Variants in VPS37A observed in about 807,000 individuals in gnomAD.
VPS37A encodes the protein vacuolar protein sorting-associated protein 37A.
In VPS37A, 30 loss-of-function variants were observed where a neutral mutation model predicts 49.8. The observed-to-expected ratio is 0.60, with a 90% confidence interval of 0.45 to 0.82. The LOEUF is 0.82. VPS37A is among the 40% of genes least tolerant of loss of function. VPS37A has a pLI of 0.00. For synonymous variants in VPS37A, 195 were observed against 160.6 expected (o/e 1.21, Z -1.62); for missense variants, 593 against 464.4 (o/e 1.28, Z -2.55).
At chr8:17,298,323 T>C (rs978940381), downstream of VPS37A, 4 of 152,104 alleles carry the variant, frequency 2.6e-5, no homozygotes, top group Non-Finnish European at 5.9e-5. Flanking sequence ...AAATTTTATA[T>C]TCTGAAAGAA....
At chr8:17,269,101 GTTTTACTC>G (rs1813741934) in intron 4 of VPS37A, 145 bp downstream of exon 4, 1 of 598,752 alleles carries the variant, frequency 1.7e-6, no homozygotes, top group East Asian at 3.0e-5. Context: ...AGAGGCAACT[GTTTTACTC>G]TTTTACCTGT....
At chr8:17,252,526 C>T (rs189214750) in intron 1 of VPS37A, among the ~76,000 whole-genome samples, 4 of 152,234 alleles carry the variant, frequency 2.6e-5, no homozygotes, top group East Asian at 1.9e-4. Context: ...GTTTTATGTT[C>T]ACAGCAAAAT....
the VPS37A span, among the ~76,000 whole-genome samples, chr8:17,308,192 C>A: frequency 6.6e-6 from 1 of 151,892 alleles, no homozygotes; most frequent in Non-Finnish European, 1.5e-5. Context: ...AAAAGGTTGC[C>A]TAATATTAAC....
chr8:17,331,575 C>G, the VPS37A span, among the ~76,000 whole-genome samples: 2 of 152,160 alleles, frequency 1.3e-5, no homozygotes, highest in Non-Finnish European at 2.9e-5. Context: ...TCAGAGATGC[C>G]AAACTGAATG....
At chr8:17,256,214 C>T (rs185263809) in intron 1 of VPS37A, among the ~76,000 whole-genome samples, 241 of 151,780 alleles carry the variant, frequency 1.6e-3, no homozygotes, top group Non-Finnish European at 1.8e-3. Flanking sequence ...ATCAGGGTTC[C>T]CCTGTCTCCA....
the VPS37A span, among the ~76,000 whole-genome samples, chr8:17,327,069 G>A: frequency 1.3e-5 from 2 of 152,016 alleles, no homozygotes; most frequent in Admixed American, 6.6e-5. Flanking sequence ...GCAATTTTAC[G>A]ACCTGAATTT....
chr8:17,279,694 G>C (rs1228148590), intron 6 of VPS37A: 1 of 419,630 alleles, frequency 2.4e-6, no homozygotes, highest in Admixed American at 2.8e-5. Flanking sequence ...CTTTACCTGA[G>C]TTAAGTTGAC....
downstream of VPS37A, chr8:17,300,111 A>G (rs539591837): frequency 7.6e-5 from 122 of 1,613,876 alleles, 1 homozygote; most frequent in South Asian, 1.3e-3. Context: ...AATCCTGGGG[A>G]GTGTTGGCTA....
rs1195994366 is a variant in VPS37A, at chr8:17,247,370, G to GTGAC, written c.125+4_125+7dup. The GTGAC allele has an allele frequency of 2.7e-6, 4 of 1,506,552 alleles. No homozygotes were observed. Among genetic ancestry groups the GTGAC allele is most frequent in the Admixed American group, 2.0e-5 (1 of 49,284 alleles). 93.3% of individuals were successfully genotyped at this position (1,506,552 alleles called of 1,614,324 possible). On this transcript the variant is annotated splice_donor_variant, in intron 1 of 11. Transcript: ENST00000324849. LOFTEE classifies it high-confidence loss of function. ...AGTCCCTCCGGAACTCACACTCCAGGTGACTGGTCGCTGCCTCTCCACCGG... is the reference window on the plus strand; with the variant it reads ...AGTCCCTCCGGAACTCACACTCCAGGTGACTGACTGGTCGCTGCCTCTCCACCGG...
At position 17,265,771 on chromosome 8, in the gene VPS37A, A is replaced by C. The variant is rs546488074; in HGVS notation, c.126-136A>C. ...TATGATCATTTTCCTTCCCCTCAAG[A>C]TACAAGTTATGCTGGCTATCCAGAT... On this transcript the variant is annotated intron_variant, in intron 1 of 11. Coordinates refer to ENST00000324849, the MANE Select transcript of VPS37A (RefSeq NM_152415.3). 21 of 1,542,382 alleles carry C rather than the reference A, an allele frequency of 1.4e-5. No individual in the cohort carries two copies. The East Asian group carries it at 3.2e-4, about 24-fold the overall frequency.
the VPS37A span, among the ~76,000 whole-genome samples, chr8:17,327,646 A>ATT: frequency 2.4e-3 from 370 of 152,178 alleles, 4 homozygotes; most frequent in African/African-American, 8.2e-3. Context: ...CCTGGTAAAA[A>ATT]AAAAAACTAT....
At chr8:17,302,707 C>CCT (rs1554504074), downstream of VPS37A, among the ~76,000 whole-genome samples, 1 of 54,640 alleles carries the variant, frequency 1.8e-5, no homozygotes, top group Non-Finnish European at 6.1e-5. Flanking sequence ...GCAATAACCC[C>CCT]CCCCCCCCCG....
At chr8:17,292,223 G>A (rs2150430063) in intron 11 of VPS37A, among the ~76,000 whole-genome samples, 1 of 152,204 alleles carries the variant, frequency 6.6e-6, no homozygotes, top group East Asian at 1.9e-4. Flanking sequence ...ATTATGTAAT[G>A]CCCTTCTTTG....
intron 4 of VPS37A, 93 bp from the exon 5 acceptor site, chr8:17,274,640 T>C (rs1814333324): frequency 2.2e-6 from 2 of 916,500 alleles, no homozygotes; most frequent in Non-Finnish European, 3.4e-6. Context: ...ATCTATATAG[T>C]ACTTGACCTT....
chr8:17,319,528 A>G, the VPS37A span, among the ~76,000 whole-genome samples: 1 of 152,206 alleles, frequency 6.6e-6, no homozygotes, highest in Non-Finnish European at 1.5e-5. Flanking sequence ...TTGCCACCAC[A>G]TCATGGCTAC....
At chr8:17,275,543 C>G (rs542105906) in intron 5 of VPS37A, among the ~76,000 whole-genome samples, 1 of 152,166 alleles carries the variant, frequency 6.6e-6, no homozygotes. Flanking sequence ...GAAGAATGAT[C>G]ATGTGGGAGC....
At chr8:17,275,096 A>G (rs960997499) in intron 5 of VPS37A, 138 bp downstream of exon 5, 2 of 772,528 alleles carry the variant, frequency 2.6e-6, no homozygotes, top group South Asian at 1.9e-5. Flanking sequence ...TTTCAATTCA[A>G]GTAACAGGTA....
At chr8:17,303,952 G>A (rs539237222), downstream of VPS37A, among the ~76,000 whole-genome samples, 11 of 152,248 alleles carry the variant, frequency 7.2e-5, no homozygotes, top group Admixed American at 1.3e-4. Flanking sequence ...AACCTATTAC[G>A]TTGGTGCAAA....
chr8:17,324,042 T>C, the VPS37A span, among the ~76,000 whole-genome samples: 367 of 152,346 alleles, frequency 2.4e-3, 13 homozygotes, highest in East Asian at 0.06. Context: ...GTCCCTTTGA[T>C]AATGTCAAAC....
Sources: gnomAD v4.1 joint callset for allele counts (sites outside exome capture counted in the v4.1 genomes callset) on GRCh38, gnomAD v4.1.1 for gene constraint, MANE v1.5 for transcripts, NCBI Gene and HGNC (gene_info 2026-07-23, HGNC 2026-07-21) for gene names.